Variants in SUMF1 observed in about 807,000 individuals in gnomAD.
SUMF1 encodes the protein formylglycine-generating enzyme.
Under a neutral mutation model 47.6 loss-of-function variants are expected in SUMF1, and 48 were observed. The observed-to-expected ratio is 1.01, with a 90% CI of 0.80 to 1.28. The LOEUF is 1.28. Ranked by LOEUF, SUMF1 falls within the 50% of genes most tolerant of loss-of-function variation. The probability of loss-of-function intolerance (pLI) is 0.00; values close to 1 mark genes in which losing one functional copy is unlikely to be tolerated. For synonymous variants in SUMF1, 230 were observed against 192.1 expected (o/e 1.20, Z -1.63); for missense variants, 571 against 485.4 (o/e 1.18, Z -1.66).
At chr3:4,384,281 G>A (rs945403570) in intron 7 of SUMF1, among the ~76,000 whole-genome samples, 2 of 152,208 alleles carry the variant, frequency 1.3e-5, no homozygotes, top group South Asian at 4.1e-4. Flanking sequence ...ATGGGTAACC[G>A]TTGATTCACA....
chr3:4,422,492 T>A (rs9809223), intron 3 of SUMF1, among the ~76,000 whole-genome samples: 1,619 of 143,754 alleles, frequency 0.011, 25 homozygotes, highest in African/African-American at 0.036. Context: ...ATTAGTGATT[T>A]AAAAAAAAAA....
At chr3:4,269,624 G>C (rs748463067) in intron 8 of SUMF1, among the ~76,000 whole-genome samples, 1 of 152,156 alleles carries the variant, frequency 6.6e-6, no homozygotes, top group Non-Finnish European at 1.5e-5. Flanking sequence ...GCGGGGGAAA[G>C]AAAGAATGAA....
chr3:4,262,407 C>T (rs1575032301), intron 8 of SUMF1, among the ~76,000 whole-genome samples: 1 of 152,282 alleles, frequency 6.6e-6, no homozygotes, highest in South Asian at 2.1e-4. Flanking sequence ...TCTAATATTT[C>T]TCTATGTGCC....
intron 8 of SUMF1, among the ~76,000 whole-genome samples, chr3:4,249,749 A>G (rs1161381210): frequency 6.6e-6 from 1 of 152,216 alleles, no homozygotes; most frequent in Non-Finnish European, 1.5e-5. Context: ...AATCTTAGTG[A>G]AAAAGGCACA....
At position 4,370,211 on chromosome 3, in the gene SUMF1, G is replaced by A. The variant is rs17040536; in HGVS notation, c.1014+6119C>T. 9.8e-3 allele frequency among the ~76,000 whole-genome samples: 1,485 copies of A among 152,270 alleles called. 28 individuals are homozygous for A. Among genetic ancestry groups the A allele is most frequent in the African/African-American group, 0.033 (1,389 of 41,544 alleles). ...AGTTGCCCAAAGATCTGGAGCATGA[G>A]AATTCCAGGCAAGAGTAATGACTGG... is the stretch of plus-strand genomic sequence containing the variant. On this transcript the variant is annotated intron_variant, in intron 8 of 8. Transcript: ENST00000272902.
At chr3:4,201,871 T>C (rs1020160537) in intron 8 of SUMF1, among the ~76,000 whole-genome samples, 1 of 152,064 alleles carries the variant, frequency 6.6e-6, no homozygotes, top group Non-Finnish European at 1.5e-5. Flanking sequence ...ACTTTTCTGA[T>C]GTTAAGCACC....
At chr3:4,082,911 T>C (rs1408188582) in intron 8 of SUMF1, among the ~76,000 whole-genome samples, 1 of 152,154 alleles carries the variant, frequency 6.6e-6, no homozygotes, top group Non-Finnish European at 1.5e-5. Flanking sequence ...TAAACTCTTT[T>C]TCTGTGTAAT....
At position 4,258,633 on chromosome 3, in the gene SUMF1, G is replaced by A. The variant is rs57547125; in HGVS notation, c.1014+117697C>T. 3.3e-5 allele frequency among the ~76,000 whole-genome samples: 5 copies of A among 152,072 alleles called. No individual in the cohort carries two copies. In the East Asian group the frequency reaches 9.7e-4, roughly 29 times the overall value. ...AAACAACAGGTGCTTGAGAGGATGTGGAGAAATAGGAACACTTTTACACTG... is the reference window on the plus strand; with the variant it reads ...AAACAACAGGTGCTTGAGAGGATGTAGAGAAATAGGAACACTTTTACACTG... On this transcript the variant is annotated intron_variant and NMD_transcript_variant, in intron 8 of 12. Transcript: ENST00000448413.
rs1008523227 is a variant in SUMF1, at chr3:4,389,882, T to C, written c.955-13493A>G. Among the ~76,000 whole-genome samples, 6 of 152,222 alleles carry C rather than the reference T, an allele frequency of 3.9e-5. No individual in the cohort carries two copies. The East Asian group carries it at 1.2e-3, about 29-fold the overall frequency. ...TCATTTGTTTCAAGTGCGATCATAG[T>C]TGCTCACTGATTTCTTTTTTCTCCC... On this transcript the variant is annotated intron_variant, in intron 7 of 8. Transcript: ENST00000272902.
At chr3:4,417,527 C>T (rs1448406478) in intron 5 of SUMF1, among the ~76,000 whole-genome samples, 1 of 152,140 alleles carries the variant, frequency 6.6e-6, no homozygotes, top group African/African-American at 2.4e-5. Context: ...GGAGAGTAGA[C>T]CTCATTTTGG....
At chr3:4,213,288 G>C (rs577475726) in intron 8 of SUMF1, among the ~76,000 whole-genome samples, 18 of 152,164 alleles carry the variant, frequency 1.2e-4, no homozygotes, top group South Asian at 4.2e-4. Flanking sequence ...ATTTTCAACC[G>C]AGAATTTCAT....
chr3:4,173,910 G>A (rs1353893364), intron 8 of SUMF1, among the ~76,000 whole-genome samples: 1 of 152,106 alleles, frequency 6.6e-6, no homozygotes, highest in East Asian at 1.9e-4. Context: ...GATAACATTA[G>A]GAGAAATACC....
At chr3:4,444,423 G>A (rs941220766) in intron 3 of SUMF1, among the ~76,000 whole-genome samples, 1 of 152,160 alleles carries the variant, frequency 6.6e-6, no homozygotes, top group Non-Finnish European at 1.5e-5. Context: ...AGCTAAAATG[G>A]AAAGAGTACT....
chr3:4,115,346 G>A (rs552691518), intron 8 of SUMF1, among the ~76,000 whole-genome samples: 2 of 152,150 alleles, frequency 1.3e-5, no homozygotes, highest in South Asian at 2.1e-4. Flanking sequence ...CGTGTGATCC[G>A]ATTTTCCTGG....
intron 8 of SUMF1, among the ~76,000 whole-genome samples, chr3:4,195,696 T>A (rs1695412829): frequency 6.6e-6 from 1 of 152,164 alleles, no homozygotes; most frequent in Non-Finnish European, 1.5e-5. Context: ...AGATGAAGTT[T>A]ATCTGTTCTT....
At chr3:4,200,900 A>G (rs1473935474) in intron 8 of SUMF1, among the ~76,000 whole-genome samples, 1 of 152,132 alleles carries the variant, frequency 6.6e-6, no homozygotes, top group Non-Finnish European at 1.5e-5. Flanking sequence ...ACTGATCTAT[A>G]GTTTATATTA....
At chr3:4,273,490 C>T (rs1378677626) in intron 8 of SUMF1, among the ~76,000 whole-genome samples, 2 of 151,740 alleles carry the variant, frequency 1.3e-5, no homozygotes, top group Non-Finnish European at 2.9e-5. Context: ...AGTAGATCAA[C>T]GACTGCCTGA....
intron 6 of SUMF1, among the ~76,000 whole-genome samples, chr3:4,412,826 T>C (rs1003035716): frequency 1.3e-5 from 2 of 151,180 alleles, no homozygotes; most frequent in Non-Finnish European, 3.0e-5. Flanking sequence ...GAGGCAGAGG[T>C]TGCAGTGAGC....
At chr3:4,106,043 C>T (rs1693150213) in intron 8 of SUMF1, among the ~76,000 whole-genome samples, 1 of 151,726 alleles carries the variant, frequency 6.6e-6, no homozygotes, top group African/African-American at 2.4e-5. Flanking sequence ...GTCAAAATTG[C>T]TTTATCTGTT....
Sources: gnomAD v4.1 joint callset for allele counts (sites outside exome capture counted in the v4.1 genomes callset) on GRCh38, gnomAD v4.1.1 for gene constraint, MANE v1.5 for transcripts, NCBI Gene and HGNC (gene_info 2026-07-23, HGNC 2026-07-21) for gene names.